Variants in PDE4D observed in about 807,000 individuals in gnomAD.
The protein encoded by PDE4D is 3',5'-cyclic-AMP phosphodiesterase 4D.
PDE4D carries 24 observed loss-of-function variants against 87.4 expected under a neutral mutation model. The ratio of observed to expected loss-of-function variants is 0.27; its 90% CI spans 0.20 to 0.39. PDE4D has a LOEUF of 0.39. PDE4D is among the 10% of genes least tolerant of loss of function. PDE4D has a pLI of 1.00. For synonymous variants in PDE4D, 384 were observed against 383.2 expected, an observed-to-expected ratio of 1.00 and a Z score of -0.02; for missense variants, 714 against 1,041.0, an observed-to-expected ratio of 0.69 and a Z score of 4.32.
intron 1 of PDE4D, among the ~76,000 whole-genome samples, chr5:59,221,666 G>T (rs1476588108): frequency 6.6e-6 from 1 of 152,096 alleles, no homozygotes; most frequent in Non-Finnish European, 1.5e-5. Context: ...CAACATTTTG[G>T]AATTTGCCAA....
intron 1 of PDE4D, among the ~76,000 whole-genome samples, chr5:59,259,656 A>G (rs1347315025): frequency 1.3e-5 from 2 of 150,572 alleles, no homozygotes; most frequent in Non-Finnish European, 3.0e-5. Flanking sequence ...AGTTTCTTGG[A>G]TAACTGAGAA....
chr5:60,050,319 C>T (rs929232392), intron 2 of PDE4D, among the ~76,000 whole-genome samples: 8 of 152,144 alleles, frequency 5.3e-5, no homozygotes, highest in East Asian at 1.9e-4. Flanking sequence ...AGAAATCACC[C>T]GTCTTCTGTG....
intron 2 of PDE4D, among the ~76,000 whole-genome samples, chr5:60,169,723 T>C (rs1783247385): frequency 6.6e-6 from 1 of 152,092 alleles, no homozygotes; most frequent in African/African-American, 2.4e-5. Context: ...GATATAAGCA[T>C]GCAAGCATTC....
intron 1 of PDE4D, among the ~76,000 whole-genome samples, chr5:59,361,779 T>A (rs79126241): frequency 6.6e-6 from 1 of 152,330 alleles, no homozygotes; most frequent in South Asian, 2.1e-4. Context: ...AAAACCACAA[T>A]TATGTTTGTT....
chr5:60,369,760 C>T (rs918667182), intron 1 of PDE4D, among the ~76,000 whole-genome samples: 23 of 151,986 alleles, frequency 1.5e-4, no homozygotes, highest in Middle Eastern at 3.2e-3. Context: ...CAGAGTAGGA[C>T]GAAGACCATA....
chr5:59,455,969 G>T (rs1019307270), intron 1 of PDE4D, among the ~76,000 whole-genome samples: 2 of 152,168 alleles, frequency 1.3e-5, no homozygotes, highest in African/African-American at 4.8e-5. Flanking sequence ...TACCCCCATT[G>T]TATCTAGGAA....
intron 1 of PDE4D, among the ~76,000 whole-genome samples, chr5:60,471,532 G>A (rs575179766): frequency 2.0e-5 from 3 of 152,080 alleles, no homozygotes; most frequent in South Asian, 2.1e-4. Context: ...AGGAAGAGTC[G>A]ATTGATGTAG....
chr5:60,517,445 C>T (rs114078898), intron 1 of PDE4D, among the ~76,000 whole-genome samples: 8 of 152,326 alleles, frequency 5.3e-5, no homozygotes, highest in Admixed American at 3.9e-4. Flanking sequence ...TGAGAACTTA[C>T]GCTGCCCACA....
chr5:59,681,976 A>G (rs563874134), intron 1 of PDE4D, among the ~76,000 whole-genome samples: 10 of 151,620 alleles, frequency 6.6e-5, no homozygotes, highest in African/African-American at 1.7e-4. Context: ...TCATCATGTC[A>G]TGATGCAGCA....
chr5:59,273,670 A>G (rs1764275475), intron 1 of PDE4D, among the ~76,000 whole-genome samples: 1 of 152,192 alleles, frequency 6.6e-6, no homozygotes, highest in South Asian at 2.1e-4. Flanking sequence ...CACAGAAATC[A>G]TTCTATCCCC....
intron 1 of PDE4D, among the ~76,000 whole-genome samples, chr5:60,438,029 G>A (rs1221956212): frequency 6.6e-6 from 1 of 152,132 alleles, no homozygotes; most frequent in Non-Finnish European, 1.5e-5. Context: ...TCTGAGAATG[G>A]AGTGAAGTGA....
intron 1 of PDE4D, among the ~76,000 whole-genome samples, chr5:60,497,852 A>G (rs953146231): frequency 4.6e-5 from 7 of 152,180 alleles, no homozygotes; most frequent in African/African-American, 1.4e-4. Context: ...GTGCTGGTAT[A>G]TTACAGACTT....
chr5:59,269,389 T>G (rs1763390101), intron 1 of PDE4D, among the ~76,000 whole-genome samples: 1 of 152,124 alleles, frequency 6.6e-6, no homozygotes, highest in African/African-American at 2.4e-5. Flanking sequence ...GAATAGATCT[T>G]AACTATTATA....
intron 1 of PDE4D, among the ~76,000 whole-genome samples, chr5:60,234,183 T>C (rs1412561038): frequency 6.6e-6 from 1 of 151,856 alleles, no homozygotes; most frequent in Non-Finnish European, 1.5e-5. Context: ...TTCATATAAA[T>C]TGAGTCATAC....
At position 59,152,424 on chromosome 5, in the gene PDE4D, C is replaced by A. The variant is rs190299945; in HGVS notation, c.808+28171G>T. ...TTCTATGCCTACTATATTGTTTCTA[C>A]CTGCTTTAATAACAGCTGGAAAAAC... is the stretch of plus-strand genomic sequence containing the variant. On this transcript the variant is annotated intron_variant, in intron 5 of 14. Transcript: ENST00000340635. 2.4e-3 allele frequency among the ~76,000 whole-genome samples: 368 copies of A among 152,210 alleles called. 1 individual carries two copies. The highest frequency in any genetic ancestry group is 8.5e-3 in the African/African-American group (353 of 41,536).
intron 1 of PDE4D, among the ~76,000 whole-genome samples, chr5:59,236,119 A>T (rs1275574704): frequency 6.6e-6 from 1 of 152,176 alleles, no homozygotes; most frequent in Non-Finnish European, 1.5e-5. Context: ...ACCCAAGTAG[A>T]GAACATAGGA....
chr5:60,485,297 T>C (rs765364161), intron 1 of PDE4D, among the ~76,000 whole-genome samples: 1 of 151,892 alleles, frequency 6.6e-6, no homozygotes, highest in Non-Finnish European at 1.5e-5. Flanking sequence ...TAAGAATTAT[T>C]AAATTCTTGG....
In PDE4D at chr5:59,826,969, T is replaced by A. The variant is rs182707572; in HGVS notation, c.455+66199A>T. ...TACAGGTGTCACAGGAGAGGATTGA[T>A]AGAATTGAATCTAAGGAAATACACA... On this transcript the variant is annotated intron_variant, in intron 1 of 14. Coordinates refer to ENST00000340635, the MANE Select transcript of PDE4D (RefSeq NM_001104631.2). Among the ~76,000 whole-genome samples, 27 of 152,190 alleles carry A rather than the reference T, an allele frequency of 1.8e-4. No homozygotes were observed. The East Asian group carries it at 5.2e-3, about 30-fold the overall frequency.
At chr5:59,533,475 A>G (rs1030663659) in intron 1 of PDE4D, among the ~76,000 whole-genome samples, 3 of 152,218 alleles carry the variant, frequency 2.0e-5, no homozygotes, top group African/African-American at 7.2e-5. Flanking sequence ...GGGTCAAACA[A>G]CAACAAAACA....
Sources: gnomAD v4.1 joint callset for allele counts (sites outside exome capture counted in the v4.1 genomes callset) on GRCh38, gnomAD v4.1.1 for gene constraint, MANE v1.5 for transcripts, NCBI Gene and HGNC (gene_info 2026-07-23, HGNC 2026-07-21) for gene names.